The following KLF8 variants were observed in gnomAD, a reference collection of about 807,000 sequenced individuals.
The protein encoded by KLF8 is Krueppel-like factor 8.
A neutral mutation model predicts 18.2 loss-of-function variants in KLF8; 10 were observed. That is an observed-to-expected ratio of 0.55 (90% CI 0.34 to 0.93). The LOEUF is 0.93. Among genes scored for constraint, KLF8 ranks in the 40% least tolerant of loss-of-function variants. KLF8 has a pLI of 0.02. For missense variants in KLF8, 264 were observed against 277.9 expected, an observed-to-expected ratio of 0.95 and a Z score of 0.36; for synonymous variants, 109 against 97.3, an observed-to-expected ratio of 1.12 and a Z score of -0.71.
intron 5 of KLF8, among the ~76,000 whole-genome samples, chrX:56,281,561 A>G (rs1252200200): frequency 9.0e-6 from 1 of 110,911 alleles, no homozygotes; most frequent in African/African-American, 3.3e-5. Flanking sequence ...GGTGTGCACC[A>G]TCACACCCGG....
intron 2 of KLF8, among the ~76,000 whole-genome samples, chrX:56,260,764 A>G (rs2066872491): frequency 8.9e-6 from 1 of 112,336 alleles, no homozygotes; most frequent in Admixed American, 9.4e-5. Context: ...GTGCATATGT[A>G]TCCAGGCATA....
chrX:56,276,996 T>A (rs966352625), intron 5 of KLF8, among the ~76,000 whole-genome samples: 58 of 112,028 alleles, frequency 5.2e-4, no homozygotes, highest in African/African-American at 1.9e-3. Context: ...GCTCACTAAT[T>A]TTTTCTTCTG....
At chrX:56,213,247 A>G in the KLF8 span, among the ~76,000 whole-genome samples, 1 of 99,958 alleles carries the variant, frequency 1.0e-5, no homozygotes, top group Non-Finnish European at 2.0e-5. Flanking sequence ...TCCTGTTCTC[A>G]TCTTTTAAAA....
At chrX:56,242,979 A>G (rs1191732334) in intron 1 of KLF8, 3 of 477,959 alleles carry the variant, frequency 6.3e-6, no homozygotes, top group Non-Finnish European at 1.2e-5. Context: ...AAGCATTGTA[A>G]TCAGGAGCCA....
chrX:56,023,590 C>A, the KLF8 span, among the ~76,000 whole-genome samples: 2 of 110,914 alleles, frequency 1.8e-5, no homozygotes, highest in South Asian at 7.6e-4. Context: ...GATAAATATA[C>A]CTTCACCTAA....
At chrX:56,080,125 A>G in the KLF8 span, among the ~76,000 whole-genome samples, 1 of 111,143 alleles carries the variant, frequency 9.0e-6, no homozygotes, top group African/African-American at 3.3e-5. Context: ...GTGTCTTTTA[A>G]TTGGAGCATT....
At chrX:56,163,045 C>A in the KLF8 span, among the ~76,000 whole-genome samples, 1 of 112,253 alleles carries the variant, frequency 8.9e-6, no homozygotes, top group Non-Finnish European at 1.9e-5. Context: ...AATAGTGCTG[C>A]AGTAAACACA....
chrX:56,250,707 G>A (rs1332184818), intron 2 of KLF8, among the ~76,000 whole-genome samples: 1 of 111,226 alleles, frequency 9.0e-6, no homozygotes, highest in African/African-American at 3.3e-5. Flanking sequence ...TGTGTGTATG[G>A]TGTATGTGTG....
the KLF8 span, among the ~76,000 whole-genome samples, chrX:56,086,527 T>C: frequency 1.7e-4 from 19 of 111,234 alleles, no homozygotes; most frequent in Admixed American, 1.3e-3. Flanking sequence ...GACAAAGATT[T>C]GGAAATAAGA....
chrX:55,960,941 C>A, the KLF8 span, among the ~76,000 whole-genome samples: 4 of 111,481 alleles, frequency 3.6e-5, no homozygotes, highest in East Asian at 1.1e-3. Context: ...CTTCAAGAGA[C>A]CCATCTCATA....
chrX:56,103,000 T>C, the KLF8 span, among the ~76,000 whole-genome samples: 7 of 105,164 alleles, frequency 6.7e-5, no homozygotes, highest in African/African-American at 2.4e-4. Context: ...ATCAACTCAA[T>C]CTCTAGCCCC....
At position 56,287,423 on chromosome X, in the gene KLF8, G is replaced by A. The variant is rs2067279897; in HGVS notation, c.*2929G>A. The A allele has an allele frequency of 1.8e-5, 2 of 112,068 alleles. No homozygotes were observed. Among genetic ancestry groups the A allele is most frequent in the Non-Finnish European group, 3.8e-5 (2 of 53,198 alleles). 9.2% of individuals were successfully genotyped at this position (112,068 alleles called of 1,213,427 possible). On this transcript the variant is annotated 3_prime_UTR_variant, in exon 6 of 6. Coordinates refer to ENST00000468660, the MANE Select transcript of KLF8 (RefSeq NM_007250.5). ...TGCTAGATAGACAGTGAGGTGGAAA[G>A]GAACTAAAATGTATCTCTCTTGAAT...
chrX:55,916,645 G>A, the KLF8 span, among the ~76,000 whole-genome samples: 2 of 111,505 alleles, frequency 1.8e-5, no homozygotes, highest in African/African-American at 6.5e-5. Context: ...TGATACCAAT[G>A]TGCCCAGGCC....
the KLF8 span, among the ~76,000 whole-genome samples, chrX:56,173,213 T>C: frequency 8.9e-6 from 1 of 112,019 alleles, no homozygotes; most frequent in South Asian, 3.7e-4. Context: ...GGTTTTCTTG[T>C]AGGGTTTTTA....
intron 1 of KLF8, 22 bp from the exon 2 acceptor site, chrX:56,250,206 TGTC>T: frequency 8.9e-7 from 1 of 1,119,977 alleles, no homozygotes; most frequent in Admixed American, 2.2e-5. Context: ...TTCTGAAAGT[TGTC>T]TTTTCCTTTT....
At chrX:56,217,398 C>CTATTTATTTATTTATTTATT in the KLF8 span, among the ~76,000 whole-genome samples, 73 of 103,598 alleles carry the variant, frequency 7.0e-4, no homozygotes, top group Non-Finnish European at 1.1e-3. Flanking sequence ...CTGAATTGTA[C>CTATTTATTTATTTATTTATT]TATTTATTTA....
the KLF8 span, among the ~76,000 whole-genome samples, chrX:55,933,482 A>T: frequency 8.9e-6 from 1 of 112,532 alleles, no homozygotes; most frequent in Non-Finnish European, 1.9e-5. Flanking sequence ...TATATTATTT[A>T]AAATGATCAG....
At chrX:56,065,970 C>A in the KLF8 span, among the ~76,000 whole-genome samples, 1 of 111,524 alleles carries the variant, frequency 9.0e-6, no homozygotes, top group Admixed American at 9.6e-5. Flanking sequence ...GCCCCAATGA[C>A]AGCAGGTCTA....
chrX:56,138,451 T>A, the KLF8 span, among the ~76,000 whole-genome samples: 1 of 111,467 alleles, frequency 9.0e-6, no homozygotes, highest in South Asian at 3.7e-4. Flanking sequence ...AGCAGCTACA[T>A]CACAAAGCTC....
Sources: allele counts gnomAD v4.1 joint callset (sites outside exome capture counted in the v4.1 genomes callset), GRCh38; gene constraint gnomAD v4.1.1; transcripts MANE v1.5; gene names NCBI Gene and HGNC (gene_info 2026-07-23, HGNC 2026-07-21).